ESRRG: variants seen among roughly 807,000 people sequenced by gnomAD.
The protein encoded by ESRRG is estrogen-related receptor gamma.
A neutral mutation model predicts 44.0 loss-of-function variants in ESRRG; 13 were observed. The observed-to-expected ratio is 0.30, with a 90% confidence interval of 0.19 to 0.47. ESRRG has a LOEUF of 0.47. Among genes scored for constraint, ESRRG ranks in the 20% least tolerant of loss-of-function variants. The pLI, the probability that ESRRG is intolerant of heterozygous loss-of-function variation, is 1.00. For missense variants in ESRRG, 395 were observed against 580.6 expected (o/e 0.68, Z 3.29); for synonymous variants, 215 against 214.6 (o/e 1.00, Z -0.02).
At chr1:217,112,892 G>A (rs955204518) in intron 1 of ESRRG, among the ~76,000 whole-genome samples, 26 of 152,200 alleles carry the variant, frequency 1.7e-4, no homozygotes, top group African/African-American at 6.3e-4. Flanking sequence ...TGAATCAAGA[G>A]AATGTGTAAG....
At chr1:217,116,372 G>GT (rs1218701152) in intron 1 of ESRRG, among the ~76,000 whole-genome samples, 2 of 152,188 alleles carry the variant, frequency 1.3e-5, no homozygotes, top group African/African-American at 4.8e-5. Context: ...TTCCTGATGT[G>GT]TTTTAAGAAG....
chr1:216,554,452 CA>C (rs34202751), intron 5 of ESRRG, among the ~76,000 whole-genome samples: 34,100 of 140,404 alleles, frequency 0.24, 5,635 homozygotes, highest in African/African-American at 0.5. Flanking sequence ...GACTCTGTCT[CA>C]AAAAAAAAAA....
At chr1:217,129,128 C>A (rs1397637038) in intron 1 of ESRRG, among the ~76,000 whole-genome samples, 4 of 152,118 alleles carry the variant, frequency 2.6e-5, no homozygotes, top group Non-Finnish European at 4.4e-5. Context: ...ATAAAGAACT[C>A]TTACAACTCA....
intron 3 of ESRRG, among the ~76,000 whole-genome samples, chr1:216,603,949 A>AAAAAC (rs1553406185): frequency 1.7e-5 from 1 of 60,402 alleles, no homozygotes; most frequent in Non-Finnish European, 3.3e-5. Context: ...AAAAAACAAA[A>AAAAAC]AAAAAAAAAA....
chr1:216,614,149 A>G (rs1321062262), intron 3 of ESRRG, among the ~76,000 whole-genome samples: 1 of 152,340 alleles, frequency 6.6e-6, no homozygotes, highest in East Asian at 1.9e-4. Context: ...AGTGCAGTGC[A>G]TGGGCAGGTG....
chr1:216,721,903 A>T (rs776901071), intron 1 of ESRRG, among the ~76,000 whole-genome samples: 1 of 152,160 alleles, frequency 6.6e-6, no homozygotes. Context: ...AACTGATGCA[A>T]GCACAGCCTT....
intron 2 of ESRRG, among the ~76,000 whole-genome samples, chr1:216,871,775 T>C (rs2096262972): frequency 6.6e-6 from 1 of 152,048 alleles, no homozygotes; most frequent in African/African-American, 2.4e-5. Flanking sequence ...ATATATTAGA[T>C]CTGTATACAT....
chr1:217,066,210 T>G (rs945424996), intron 1 of ESRRG, among the ~76,000 whole-genome samples: 4 of 152,180 alleles, frequency 2.6e-5, no homozygotes, highest in Non-Finnish European at 5.9e-5. Context: ...GTTTGTAGTT[T>G]TCATCTGTAT....
chr1:216,568,037 C>G lies in ESRRG; in HGVS notation c.651G>C (p.Glu217Asp), dbSNP rs768660193. The change falls in exon 4 of 7, where the codon GAG becomes GAC. Residue 217 changes from glutamate to aspartate, a missense_variant. This residue lies in a region of ESRRG where 37 missense variants were observed against 32.9 expected (regional missense o/e 1.13). Coordinates refer to ENST00000408911, the MANE Select transcript of ESRRG (RefSeq NM_001438.4). The part of the protein sequence containing the change: ...RQKYKRRIDA[E>D]NSPYLNPQLV... ...GCTGAGGGTTCAGGTATGGGCTGTTCTCCGCATCTATCCTGCGCTTGTACT... is the reference window on the plus strand; with the variant it reads ...GCTGAGGGTTCAGGTATGGGCTGTTGTCCGCATCTATCCTGCGCTTGTACT... 6.2e-7 allele frequency: 1 copy of G among 1,613,918 alleles called. No homozygotes were observed. The highest frequency in any genetic ancestry group is 8.5e-7 in the Non-Finnish European group (1 of 1,179,840).
intron 3 of ESRRG, among the ~76,000 whole-genome samples, chr1:216,589,252 C>A (rs553845706): frequency 4.6e-5 from 7 of 152,264 alleles, no homozygotes; most frequent in South Asian, 4.1e-4. Flanking sequence ...GGACGTAGAA[C>A]AAGCTTATCC....
chr1:217,126,791 C>T (rs770071815), intron 1 of ESRRG, among the ~76,000 whole-genome samples: 23 of 152,086 alleles, frequency 1.5e-4, no homozygotes, highest in Middle Eastern at 6.8e-3. Context: ...TCTGCATATC[C>T]AATTATCTCT....
chr1:216,610,235 C>A (rs1022300671), intron 3 of ESRRG, among the ~76,000 whole-genome samples: 1 of 148,818 alleles, frequency 6.7e-6, no homozygotes, highest in Non-Finnish European at 1.5e-5. Flanking sequence ...GCTCCAGTTC[C>A]AAAATGTTTC....
chr1:217,000,558 G>C (rs908112321), intron 1 of ESRRG: 1 of 152,166 alleles, frequency 6.6e-6, no homozygotes, highest in African/African-American at 2.4e-5. Flanking sequence ...ATATTGTAAG[G>C]TATAGGGAGG....
chr1:216,589,903 C>CA lies in ESRRG; in HGVS notation c.590-21806dup, dbSNP rs58458686. ...TGGGCAACAGGGTGAAACTCTGTCT[C>CA]AAAAAAAAAAAAAAAAAAAAAAAGA... On this transcript the variant is annotated intron_variant, in intron 3 of 6. Coordinates refer to ENST00000408911, the MANE Select transcript of ESRRG (RefSeq NM_001438.4). 4.9e-3 allele frequency among the ~76,000 whole-genome samples: 159 copies of CA among 32,222 alleles called. 14 individuals are homozygous for CA. Among genetic ancestry groups the CA allele is most frequent in the South Asian group, 0.014 (8 of 578 alleles). The allele number at this position is 32,222 out of a possible 152,430, so 21.1% of individuals were successfully genotyped here.
intron 3 of ESRRG, among the ~76,000 whole-genome samples, chr1:216,622,723 G>A (rs1206952894): frequency 6.6e-6 from 1 of 151,984 alleles, no homozygotes; most frequent in African/African-American, 2.4e-5. Flanking sequence ...CAGTTTATAA[G>A]CTCAGAATTT....
chr1:216,563,611 C>A (rs1174419285), intron 5 of ESRRG, among the ~76,000 whole-genome samples: 2 of 152,092 alleles, frequency 1.3e-5, no homozygotes, highest in Non-Finnish European at 2.9e-5. Flanking sequence ...CAAGCATGTA[C>A]ATATTTGTTC....
At chr1:216,650,706 T>C (rs1169606904) in intron 3 of ESRRG, among the ~76,000 whole-genome samples, 2 of 152,032 alleles carry the variant, frequency 1.3e-5, no homozygotes, top group African/African-American at 4.8e-5. Context: ...TTCTGCAAAT[T>C]GTAAAGAAGA....
intron 3 of ESRRG, among the ~76,000 whole-genome samples, chr1:216,604,798 C>T (rs1487122389): frequency 5.3e-5 from 8 of 152,214 alleles, no homozygotes; most frequent in African/African-American, 1.9e-4. Context: ...AAATATTTGC[C>T]TGTTGTTCCT....
At chr1:216,606,473 A>G (rs1206827682) in intron 3 of ESRRG, among the ~76,000 whole-genome samples, 2 of 152,168 alleles carry the variant, frequency 1.3e-5, no homozygotes, top group Admixed American at 6.5e-5. Context: ...TATGTTTCAA[A>G]TTGGCCAGAG....
Sources: allele counts gnomAD v4.1 joint callset (sites outside exome capture counted in the v4.1 genomes callset), GRCh38; gene constraint gnomAD v4.1.1; regional missense constraint gnomAD v4.1.1; transcripts MANE v1.5; gene names NCBI Gene and HGNC (gene_info 2026-07-23, HGNC 2026-07-21).